NUCKS1: variants seen among roughly 807,000 people sequenced by gnomAD.
NUCKS1 encodes nuclear ubiquitous casein and cyclin-dependent kinase substrate 1.
NUCKS1 carries 2 observed loss-of-function variants against 33.0 expected under a neutral mutation model. The ratio of observed to expected loss-of-function variants is 0.06; its 90% CI spans 0.02 to 0.19. The LOEUF (loss-of-function observed/expected upper bound fraction) is 0.19. Ranked by LOEUF, NUCKS1 falls within the 10% of genes least tolerant of loss-of-function variation. NUCKS1 has a pLI of 1.00. For synonymous variants in NUCKS1, 106 were observed against 102.8 expected (o/e 1.03, Z -0.19); for missense variants, 201 against 293.6 (o/e 0.68, Z 2.31).
At chr1:205,722,907 A>G (rs1342016880) in intron 4 of NUCKS1, among the ~76,000 whole-genome samples, 1 of 152,236 alleles carries the variant, frequency 6.6e-6, no homozygotes, top group Non-Finnish European at 1.5e-5. Flanking sequence ...CAAACAGAAT[A>G]AAGCTGACAT....
In NUCKS1 at chr1:205,715,324, TAGA is replaced by T. The variant is rs1174435477; in HGVS notation, c.*2953_*2955del. Reference sequence around the variant, plus strand: ...GAAATCAACTACTGTTCCTCAAGATTAGAAGATGTCCACACTCTTTGCATTACC... The same window carrying T: ...GAAATCAACTACTGTTCCTCAAGATTAGATGTCCACACTCTTTGCATTACC... On this transcript the variant is annotated 3_prime_UTR_variant, in exon 7 of 7. Transcript: ENST00000367142. The T allele has an allele frequency of 6.6e-6, 1 of 152,162 alleles. No individual in the cohort carries two copies. Among genetic ancestry groups the T allele is most frequent in the Non-Finnish European group, 1.5e-5 (1 of 68,020 alleles). The allele number at this position is 152,162 out of a possible 1,614,324, so 9.4% of individuals were successfully genotyped here.
Position 205,717,657 on chromosome 1 carries a change from G to C in NUCKS1, c.*623C>G. ...CCACCCTCCCTACAAGGTAAAAAAT[G>C]AGTACTTTTAGTAACAGTTCAGAAT... On this transcript the variant is annotated 3_prime_UTR_variant, in exon 7 of 7. Coordinates refer to ENST00000367142, the MANE Select transcript of NUCKS1 (RefSeq NM_022731.5). 1.0e-6 allele frequency: 1 copy of C among 984,666 alleles called. No individual in the cohort carries two copies. The highest frequency in any genetic ancestry group is 1.2e-6 in the Non-Finnish European group (1 of 829,462). 61.0% of individuals were successfully genotyped at this position (984,666 alleles called of 1,614,324 possible). A position where few individuals can be genotyped will look rare whatever the true frequency, so the allele number is the denominator to read the frequency against.
At chr1:205,744,487 G>A (rs950927274) in intron 1 of NUCKS1, among the ~76,000 whole-genome samples, 2 of 152,006 alleles carry the variant, frequency 1.3e-5, no homozygotes, top group Admixed American at 1.3e-4. Context: ...GCTGTTAAAT[G>A]TCCTCAATCC....
Position 205,717,751 on chromosome 1 carries a change from T to C in NUCKS1, c.*529A>G, listed in dbSNP as rs1671848368. 2.0e-6 allele frequency: 2 copies of C among 984,382 alleles called. 1 individual carries two copies. The highest frequency in any genetic ancestry group is 3.5e-5 in the African/African-American group (2 of 57,218). 61.0% of individuals were successfully genotyped at this position (984,382 alleles called of 1,614,324 possible). On this transcript the variant is annotated 3_prime_UTR_variant, in exon 7 of 7. Coordinates refer to ENST00000367142, the MANE Select transcript of NUCKS1 (RefSeq NM_022731.5). ...CATGATTTTTTTTAGACATTGATACTTGTGTCTATAGACAAATAAACTCAT... is the reference window on the plus strand; with the variant it reads ...CATGATTTTTTTTAGACATTGATACCTGTGTCTATAGACAAATAAACTCAT...
At chr1:205,743,153 GTGACTGT>G (rs1444221921) in intron 1 of NUCKS1, among the ~76,000 whole-genome samples, 1 of 152,138 alleles carries the variant, frequency 6.6e-6, no homozygotes, top group Non-Finnish European at 1.5e-5. Flanking sequence ...ACACAGTATG[GTGACTGT>G]TACATTTTTG....
chr1:205,749,937 G>T lies in NUCKS1; in HGVS notation c.17+20C>A. Reference sequence around the variant, plus strand: ...CCCATCCCCCTCCAACCCGCTCCAGGCCTCAGACTCCGCACTGACCTGACA... The same window carrying T: ...CCCATCCCCCTCCAACCCGCTCCAGTCCTCAGACTCCGCACTGACCTGACA... On this transcript the variant is annotated intron_variant, in intron 1 of 6. Transcript: ENST00000367142. 6.2e-7 allele frequency: 1 copy of T among 1,607,228 alleles called. No homozygotes were observed. The highest frequency in any genetic ancestry group is 8.5e-7 in the Non-Finnish European group (1 of 1,176,230).
At chr1:205,719,395 C>T in intron 6 of NUCKS1, 132 bp downstream of exon 6, 1 of 864,420 alleles carries the variant, frequency 1.2e-6, no homozygotes, top group Non-Finnish European at 1.8e-6. Flanking sequence ...AATACAAGAC[C>T]CTTTTAGATT....
At chr1:205,730,193 A>G (rs905501324) in intron 1 of NUCKS1, among the ~76,000 whole-genome samples, 3 of 151,958 alleles carry the variant, frequency 2.0e-5, no homozygotes, top group African/African-American at 7.3e-5. Flanking sequence ...AGCTGGGACT[A>G]CAGACGCATG....
chr1:205,735,580 G>A (rs1489809607), intron 1 of NUCKS1, among the ~76,000 whole-genome samples: 2 of 152,088 alleles, frequency 1.3e-5, no homozygotes, highest in East Asian at 1.9e-4. Context: ...TTGAATTTAC[G>A]TCCTGACTCT....
Position 205,718,010 on chromosome 1 carries a change from G to C in NUCKS1, c.*270C>G. The C allele has an allele frequency of 1.8e-6, 2 of 1,086,010 alleles. No individual in the cohort carries two copies. Among genetic ancestry groups the C allele is most frequent in the Non-Finnish European group, 2.2e-6 (2 of 897,774 alleles). 67.3% of individuals were successfully genotyped at this position (1,086,010 alleles called of 1,614,324 possible). On this transcript the variant is annotated 3_prime_UTR_variant, in exon 7 of 7. Transcript: ENST00000367142. ...GATTAATTTGACATGGCTTTCATTGGGAAAGGGGAGGGCTGGCAAAGAGAC... is the reference window on the plus strand; with the variant it reads ...GATTAATTTGACATGGCTTTCATTGCGAAAGGGGAGGGCTGGCAAAGAGAC...
chr1:205,742,634 C>A (rs1654207070), intron 1 of NUCKS1, among the ~76,000 whole-genome samples: 1 of 152,172 alleles, frequency 6.6e-6, no homozygotes. Flanking sequence ...ACCATCCTGG[C>A]CAACACGGTG....
chr1:205,750,035 C>T lies in NUCKS1; in HGVS notation c.-62G>A, dbSNP rs747968296. 110 of 1,029,318 alleles carry T rather than the reference C, an allele frequency of 1.1e-4. No individual in the cohort carries two copies. Among genetic ancestry groups the T allele is most frequent in the Non-Finnish European group, 1.4e-4 (109 of 776,408 alleles). The allele number at this position is 1,029,318 out of a possible 1,614,324, so 63.8% of individuals were successfully genotyped here. On this transcript the variant is annotated 5_prime_UTR_variant, in exon 1 of 7. Coordinates refer to ENST00000367142, the MANE Select transcript of NUCKS1 (RefSeq NM_022731.5). ...AGACCAGGACCCCCCCCACCCCGCG[C>T]GCTCGGCGCCCCACCCCCCCCGAAC...
Position 205,717,768 on chromosome 1 carries a change from T to C in NUCKS1, c.*512A>G. 1.0e-6 allele frequency: 1 copy of C among 985,020 alleles called. No homozygotes were observed. The allele number at this position is 985,020 out of a possible 1,614,324, so 61.0% of individuals were successfully genotyped here. Reference sequence around the variant, plus strand: ...ATTGATACTTGTGTCTATAGACAAATAAACTCATATTAGATGACAATTGAT... The same window carrying C: ...ATTGATACTTGTGTCTATAGACAAACAAACTCATATTAGATGACAATTGAT... On this transcript the variant is annotated 3_prime_UTR_variant, in exon 7 of 7. Coordinates refer to ENST00000367142, the MANE Select transcript of NUCKS1 (RefSeq NM_022731.5).
At chr1:205,744,156 A>C (rs1388455224) in intron 1 of NUCKS1, among the ~76,000 whole-genome samples, 1 of 152,208 alleles carries the variant, frequency 6.6e-6, no homozygotes, top group Admixed American at 6.5e-5. Flanking sequence ...AACTTGCTCC[A>C]AAGAAGACAA....
chr1:205,749,757 G>C (rs1363284549), intron 1 of NUCKS1, among the ~76,000 whole-genome samples, 200 bp downstream of exon 1: 1 of 151,140 alleles, frequency 6.6e-6, no homozygotes, highest in Admixed American at 6.6e-5. Context: ...GGGCGGGGAG[G>C]GGCGCGCGCA....
chr1:205,741,286 C>G (rs1186839417), intron 1 of NUCKS1, among the ~76,000 whole-genome samples: 3 of 104,566 alleles, frequency 2.9e-5, no homozygotes, highest in African/African-American at 1.1e-4. Flanking sequence ...GGCGACAGAG[C>G]GAGACTGTCT....
Position 205,719,544 on chromosome 1 carries a change from G to C in NUCKS1, c.515C>G (p.Pro172Arg). Reference protein sequence around the residue: ...PERKEKKMPKPRLKATVTPSP... With the variant: ...PERKEKKMPKRRLKATVTPSP... ...GAAATTACCTGTAGCCTTTAGTCTG[G>C]GTTTGGGCATTTTCTTTTCTTTTCT... Residue 172 changes from proline (P) to arginine (R), a missense_variant, in exon 6 of 7, where the codon CCC becomes CGC. Coordinates refer to ENST00000367142, the MANE Select transcript of NUCKS1 (RefSeq NM_022731.5). 2 of 1,607,374 alleles carry C rather than the reference G, an allele frequency of 1.2e-6. No individual in the cohort carries two copies. Among genetic ancestry groups the C allele is most frequent in the Non-Finnish European group, 1.7e-6 (2 of 1,178,554 alleles).
intron 1 of NUCKS1, among the ~76,000 whole-genome samples, chr1:205,736,705 C>T (rs922988412): frequency 5.3e-5 from 8 of 152,032 alleles, no homozygotes; most frequent in African/African-American, 1.9e-4. Context: ...GTTGTAGGCG[C>T]CTGTAATCCC....
chr1:205,724,092 T>C (rs1671964783), intron 3 of NUCKS1, 111 bp from the exon 4 acceptor site: 1 of 826,446 alleles, frequency 1.2e-6, no homozygotes, highest in Non-Finnish European at 2.1e-6. Flanking sequence ...CTCTTCTATA[T>C]AAAATCTTCA....
Sources: gnomAD v4.1 joint callset for allele counts (sites outside exome capture counted in the v4.1 genomes callset) on GRCh38, gnomAD v4.1.1 for gene constraint, MANE v1.5 for transcripts, NCBI Gene and HGNC (gene_info 2026-07-23, HGNC 2026-07-21) for gene names.